The following MAP3K5 variants were observed in gnomAD, a reference collection of about 807,000 sequenced individuals.
MAP3K5 encodes ASK-1.
MAP3K5 carries 56 observed loss-of-function variants against 158.7 expected under a neutral mutation model. The ratio of observed to expected loss-of-function variants is 0.35; its 90% confidence interval spans 0.28 to 0.44. The LOEUF (loss-of-function observed/expected upper bound fraction) is 0.44, where lower values mean the gene tolerates loss of function less well. Ranked by LOEUF, MAP3K5 falls within the 20% of genes least tolerant of loss-of-function variation. The pLI, the probability that MAP3K5 is intolerant of heterozygous loss-of-function variation, is 1.00. For synonymous variants in MAP3K5, 579 were observed against 601.7 expected (o/e 0.96, Z 0.55); for missense variants, 1,294 against 1,674.8 (o/e 0.77, Z 3.97).
At chr6:136,566,600 T>A (rs538141762) in intron 26 of MAP3K5, among the ~76,000 whole-genome samples, 1 of 152,162 alleles carries the variant, frequency 6.6e-6, no homozygotes, top group South Asian at 2.1e-4. Context: ...CACTAAATAG[T>A]AGAGATGGCA....
intron 2 of MAP3K5, among the ~76,000 whole-genome samples, chr6:136,706,493 A>T (rs527743203): frequency 1.3e-5 from 2 of 152,300 alleles, no homozygotes; most frequent in Admixed American, 1.3e-4. Flanking sequence ...GAGGTTGGGG[A>T]ATCATCATTT....
chr6:136,612,918 A>G (rs895186562), intron 17 of MAP3K5, among the ~76,000 whole-genome samples: 1 of 152,240 alleles, frequency 6.6e-6, no homozygotes, highest in African/African-American at 2.4e-5. Context: ...GCAGTTAAGC[A>G]GTGTGTTCCT....
intron 7 of MAP3K5, among the ~76,000 whole-genome samples, chr6:136,693,406 C>T (rs1780472733): frequency 6.6e-6 from 1 of 152,104 alleles, no homozygotes. Context: ...TTTATTCTTT[C>T]AAATAAATTT....
intron 7 of MAP3K5, among the ~76,000 whole-genome samples, chr6:136,669,952 C>A (rs1334274958): frequency 6.6e-6 from 1 of 151,184 alleles, no homozygotes; most frequent in Non-Finnish European, 1.5e-5. Context: ...GAACCCCGCA[C>A]ATATTTTTTA....
intron 26 of MAP3K5, among the ~76,000 whole-genome samples, chr6:136,567,373 C>T (rs534500906): frequency 2.0e-4 from 31 of 152,204 alleles, no homozygotes; most frequent in East Asian, 3.9e-4. Flanking sequence ...GAGGCTACAA[C>T]GAAGCTATTG....
chr6:136,727,736 G>A (rs576424644), intron 1 of MAP3K5, among the ~76,000 whole-genome samples: 1 of 152,234 alleles, frequency 6.6e-6, no homozygotes, highest in South Asian at 2.1e-4. Context: ...CAAGGCGGGC[G>A]GACCACAAGG....
At chr6:136,725,041 C>G (rs751940126) in intron 1 of MAP3K5, among the ~76,000 whole-genome samples, 2 of 152,282 alleles carry the variant, frequency 1.3e-5, no homozygotes, top group South Asian at 4.1e-4. Context: ...CAGTATGTAG[C>G]CTTTTGGGTT....
rs1223791453 is a variant in MAP3K5 at position 136,613,394 on chromosome 6, C to T, written c.2279-138G>A. On this transcript the variant is annotated intron_variant, in intron 16 of 29. Transcript: ENST00000359015. This position sits in a 1 kb window ranked among gnomAD's most constrained non-coding sequence, Gnocchi z 4.0. ...CAGGAGCTATACTGGATATCGGGCTCAAACATGAATTTGCAAATATCCCTA... is the reference window on the plus strand; with the variant it reads ...CAGGAGCTATACTGGATATCGGGCTTAAACATGAATTTGCAAATATCCCTA... 2 of 622,232 alleles carry T rather than the reference C, an allele frequency of 3.2e-6. No homozygotes were observed. The highest frequency in any genetic ancestry group is 3.2e-5 in the East Asian group (1 of 31,438). 38.5% of individuals were successfully genotyped at this position (622,232 alleles called of 1,614,324 possible). A position where few individuals can be genotyped will look rare whatever the true frequency, so the allele number is the denominator to read the frequency against.
chr6:136,710,509 C>T lies in MAP3K5; in HGVS notation c.589-5376G>A, dbSNP rs570567500. On this transcript the variant is annotated intron_variant, in intron 2 of 29. Transcript: ENST00000359015. ...GCAAGACTAAAAAAAAAAATCTAGT[C>T]CAAGGCTCATTTGAAGGCAAAGACT... Among the ~76,000 whole-genome samples the T allele has an allele frequency of 7.7e-4, 117 of 152,168 alleles. No homozygotes were observed. The South Asian group carries it at 0.011, about 14-fold the overall frequency.
At chr6:136,611,820 G>T (rs778310792) in intron 17 of MAP3K5, among the ~76,000 whole-genome samples, 65 of 152,142 alleles carry the variant, frequency 4.3e-4, no homozygotes, top group Non-Finnish European at 7.4e-5. Flanking sequence ...GATGAGAGGG[G>T]CCTAAAGTCC....
In MAP3K5 at chr6:136,642,507, C is replaced by T. The variant is rs73777944; in HGVS notation, c.1838+13G>A. ...TGTCTTATAAGTTAACAAAATGTAC[C>T]AAGGAAACTTACCTCACTCCCCTGA... is the stretch of plus-strand genomic sequence containing the variant. On this transcript the variant is annotated intron_variant, in intron 12 of 29. Transcript: ENST00000359015. The T allele has an allele frequency of 3.6e-3, 5,812 of 1,594,118 alleles. 160 individuals carry two copies. The African/African-American group carries it at 0.066, about 18-fold the overall frequency.
intron 12 of MAP3K5, among the ~76,000 whole-genome samples, chr6:136,642,240 TG>T (rs1303602360): frequency 6.6e-6 from 1 of 151,954 alleles, no homozygotes; most frequent in Non-Finnish European, 1.5e-5. Context: ...CATGGCTGAG[TG>T]TAATCTACAT....
chr6:136,571,893 A>G lies in MAP3K5; in HGVS notation c.3518-4019T>C, dbSNP rs550692150. On this transcript the variant is annotated intron_variant, in intron 25 of 29. Transcript: ENST00000359015. ...CCAACAACAGTGTACAAGGATTCCA[A>G]TTTCTCCATGTCCTCATGCTTTATC... 8.5e-5 allele frequency among the ~76,000 whole-genome samples: 13 copies of G among 152,268 alleles called. No homozygotes were observed. In the South Asian group the frequency reaches 2.5e-3, roughly 29 times the overall value.
intron 7 of MAP3K5, among the ~76,000 whole-genome samples, chr6:136,671,831 A>C (rs1416796874): frequency 6.6e-6 from 1 of 150,434 alleles, no homozygotes; most frequent in East Asian, 1.9e-4. Flanking sequence ...TTGCCATGTG[A>C]GTCAGGCTGG....
intron 7 of MAP3K5, among the ~76,000 whole-genome samples, chr6:136,684,803 GC>G (rs1780079886): frequency 6.6e-6 from 1 of 152,138 alleles, no homozygotes; most frequent in African/African-American, 2.4e-5. Context: ...AAATGCCACA[GC>G]CTTTTAAATA....
chr6:136,705,856 T>G (rs981429805), intron 2 of MAP3K5, among the ~76,000 whole-genome samples: 2 of 152,158 alleles, frequency 1.3e-5, no homozygotes, highest in Admixed American at 1.3e-4. Context: ...TGTTACATCC[T>G]GAGCAGCTAG....
At position 136,557,199 on chromosome 6, in the gene MAP3K5, A is replaced by G. The variant is rs1317627954; in HGVS notation, c.*559T>C. On this transcript the variant is annotated 3_prime_UTR_variant, in exon 30 of 30. Transcript: ENST00000359015. ...AAATGTACGACAGGTCAGAAACTTA[A>G]GTTACAAAATAGAGTCAATATTACA... is the stretch of plus-strand genomic sequence containing the variant. 6.5e-6 allele frequency: 1 copy of G among 153,424 alleles called. No homozygotes were observed. The highest frequency in any genetic ancestry group is 1.4e-5 in the Non-Finnish European group (1 of 68,968). The allele number at this position is 153,424 out of a possible 1,614,324, so 9.5% of individuals were successfully genotyped here.
chr6:136,734,045 T>A (rs913556128), intron 1 of MAP3K5, among the ~76,000 whole-genome samples: 2 of 152,052 alleles, frequency 1.3e-5, no homozygotes, highest in African/African-American at 4.8e-5. Flanking sequence ...CAATGACCTA[T>A]AAAGAGTATA....
chr6:136,614,160 T>G lies in MAP3K5; in HGVS notation c.2277A>C (p.Gly759=). ...FIKIFMEQVP[G]GSLSALLRSK... ...TTTAAAGAAAGAAATATCTCTTACCTCCAGGGACCTGCTCCATGAAGATTT... is the reference window on the plus strand; with the variant it reads ...TTTAAAGAAAGAAATATCTCTTACCGCCAGGGACCTGCTCCATGAAGATTT... Residue 759 remains glycine (G), a splice_region_variant and synonymous_variant, in exon 16 of 30, where the codon GGA becomes GGC. Transcript: ENST00000359015. 1 of 1,611,614 alleles carries G rather than the reference T, an allele frequency of 6.2e-7. No individual in the cohort carries two copies. Among genetic ancestry groups the G allele is most frequent in the Non-Finnish European group, 8.5e-7 (1 of 1,179,126 alleles).
Sources: gnomAD v4.1 joint callset for allele counts (sites outside exome capture counted in the v4.1 genomes callset) on GRCh38, gnomAD v4.1.1 for gene constraint, Gnocchi (gnomAD v3.1) non-coding constraint, MANE v1.5 for transcripts, NCBI Gene and HGNC (gene_info 2026-07-23, HGNC 2026-07-21) for gene names.